The following DCHS2 variants were observed in gnomAD, a reference collection of about 807,000 sequenced individuals.
The protein encoded by DCHS2 is dachsous cadherin-related 2.
DCHS2 carries 142 observed loss-of-function variants against 182.4 expected under a neutral mutation model. The ratio of observed to expected loss-of-function variants is 0.78; its 90% CI spans 0.68 to 0.89. DCHS2 has a LOEUF of 0.89. Among genes scored for constraint, DCHS2 ranks in the 40% least tolerant of loss-of-function variants. The pLI is 0.00. For missense variants in DCHS2, 4,319 were observed against 4,198.6 expected (o/e 1.03, Z -0.79); for synonymous variants, 1,740 against 1,663.3 (o/e 1.05, Z -1.12).
chr4:154,394,426 C>T (rs1731848186), intron 1 of DCHS2, among the ~76,000 whole-genome samples: 1 of 152,164 alleles, frequency 6.6e-6, no homozygotes, highest in Non-Finnish European at 1.5e-5. Context: ...AACTTAACTT[C>T]TCTGTGCTTC....
Position 154,490,715 on chromosome 4 carries a change from T to A in DCHS2, c.641A>T (p.Lys214Met). Residue 214 changes from lysine (K) to methionine (M), a missense_variant, in exon 1 of 20, where the codon AAG (lysine) becomes ATG (methionine). By Grantham distance (95) the Lys-to-Met change is moderately conservative. Transcript: ENST00000357232. ...YTLVQPSDLPKDPAGPFFQLR... is the reference protein window; with the variant it reads ...YTLVQPSDLPMDPAGPFFQLR... ...CTGGAAGAACGGGCCTGCGGGGTCC[T>A]TGGGCAGGTCGGACGGTTGCACCAG... 6.4e-7 allele frequency: 1 copy of A among 1,551,594 alleles called. No homozygotes were observed. The highest frequency in any genetic ancestry group is 1.2e-5 in the South Asian group (1 of 84,056).
intron 1 of DCHS2, among the ~76,000 whole-genome samples, chr4:154,418,039 G>A (rs1732947561): frequency 6.6e-6 from 1 of 152,036 alleles, no homozygotes; most frequent in African/African-American, 2.4e-5. Context: ...TTCTTAGTTT[G>A]GAAGGTTGCC....
chr4:154,343,330 AAG>A lies in DCHS2; in HGVS notation c.2477-8228_2477-8227del, dbSNP rs1272552650. 5.4e-6 allele frequency: 4 copies of A among 745,436 alleles called. No individual in the cohort carries two copies. The Admixed American group carries it at 1.5e-4, about 28-fold the overall frequency. 46.2% of individuals were successfully genotyped at this position (745,436 alleles called of 1,614,324 possible). ...GTCACCAGCTGCATTAGCCCCTAAC[AAG>A]AGAGTCAGCCTGCCCTTTTAAGTTC... On this transcript the variant is annotated intron_variant, in intron 3 of 19. Transcript: ENST00000357232.
At chr4:154,329,837 A>G in intron 5 of DCHS2, 127 bp from the exon 6 acceptor site, 5 of 787,908 alleles carry the variant, frequency 6.3e-6, no homozygotes, top group South Asian at 3.2e-5. Context: ...GACCATCTAC[A>G]TAGTAGTTTG....
chr4:154,278,531 C>A (rs1362741100), intron 13 of DCHS2, among the ~76,000 whole-genome samples: 1 of 151,530 alleles, frequency 6.6e-6, no homozygotes, highest in Admixed American at 6.6e-5. Flanking sequence ...ACTTAAAGGA[C>A]TATACATAGG....
chr4:154,419,914 G>C (rs1431281651), intron 1 of DCHS2, among the ~76,000 whole-genome samples: 1 of 151,718 alleles, frequency 6.6e-6, no homozygotes, highest in Non-Finnish European at 1.5e-5. Context: ...GACATATATA[G>C]GCAGGGAGGA....
intron 16 of DCHS2, among the ~76,000 whole-genome samples, chr4:154,248,712 T>G (rs76324513): frequency 0.06 from 9,141 of 152,078 alleles, 585 homozygotes; most frequent in Admixed American, 0.2. Context: ...GTAATGAAAA[T>G]AGCATGGTAC....
chr4:154,490,106 A>C lies in DCHS2; in HGVS notation c.1250T>G (p.Phe417Cys). The C allele has an allele frequency of 1.3e-6, 2 of 1,549,186 alleles. No homozygotes were observed. Among genetic ancestry groups the C allele is most frequent in the Non-Finnish European group, 1.7e-6 (2 of 1,146,260 alleles). ...ACGGGCGACGCCTCCCTCTGTGAGA[A>C]AGAGCACGTGAATTGCTGGCCGGTT... ...NDNRPAIHVL[F>C]LTEGGVARVS... The change falls in exon 1 of 20, where the codon TTT becomes TGT. Residue 417 changes from phenylalanine (F) to cysteine (C), a missense_variant. Phe to Cys is a radical substitution (Grantham distance 205, BLOSUM62 -2). Coordinates refer to ENST00000357232, the MANE Select transcript of DCHS2 (RefSeq NM_001358235.2).
Position 154,489,399 on chromosome 4 carries a change from C to T in DCHS2, c.1957G>A (p.Val653Ile), listed in dbSNP as rs1049096128. 2.1e-5 allele frequency: 32 copies of T among 1,551,494 alleles called. No homozygotes were observed. The Admixed American group carries it at 2.2e-4, about 10-fold the overall frequency. ...GGCTCATTGTCATTCACATCATCTA[C>T]GGTGATGCTCACCAGGCAGGTGGCA... Reference protein sequence around the residue: ...LSATCLVSITVDDVNDNEPIF... With the variant: ...LSATCLVSITIDDVNDNEPIF... The change falls in exon 1 of 20, where the codon GTA becomes ATA. Residue 653 changes from valine to isoleucine, a missense_variant. By Grantham distance (29) the Val-to-Ile change is conservative (BLOSUM62 3). Coordinates refer to ENST00000357232, the MANE Select transcript of DCHS2 (RefSeq NM_001358235.2).
intron 1 of DCHS2, among the ~76,000 whole-genome samples, chr4:154,417,208 A>T (rs925155948): frequency 0.015 from 897 of 61,220 alleles, 8 homozygotes; most frequent in African/African-American, 0.059. Flanking sequence ...TGTGTGTGAG[A>T]GAGAGAGAGA....
At chr4:154,457,724 T>G (rs1396280646) in intron 1 of DCHS2, among the ~76,000 whole-genome samples, 2 of 152,168 alleles carry the variant, frequency 1.3e-5, no homozygotes, top group Non-Finnish European at 2.9e-5. Flanking sequence ...TATTCTAGGG[T>G]CCACAGAATC....
intron 1 of DCHS2, among the ~76,000 whole-genome samples, chr4:154,393,922 C>A (rs912725640): frequency 1.3e-5 from 2 of 152,056 alleles, no homozygotes; most frequent in Admixed American, 6.6e-5. Context: ...ATTTATGATG[C>A]ACATATGGGA....
At chr4:154,327,622 A>G (rs1411978334) in intron 7 of DCHS2, among the ~76,000 whole-genome samples, 3 of 152,174 alleles carry the variant, frequency 2.0e-5, no homozygotes, top group Non-Finnish European at 4.4e-5. Flanking sequence ...CATAATAGTA[A>G]GCCCACTTCA....
chr4:154,444,238 A>G (rs1413914368), intron 1 of DCHS2, among the ~76,000 whole-genome samples: 2 of 152,250 alleles, frequency 1.3e-5, no homozygotes, highest in East Asian at 3.9e-4. Context: ...AGAATTGTAT[A>G]TCCAATTCTG....
At chr4:154,318,597 T>C (rs1735943096) in intron 9 of DCHS2, among the ~76,000 whole-genome samples, 1 of 152,094 alleles carries the variant, frequency 6.6e-6, no homozygotes. Context: ...AACAATTCCA[T>C]TGACAATAGC....
intron 16 of DCHS2, among the ~76,000 whole-genome samples, chr4:154,254,437 C>T (rs967835684): frequency 6.6e-6 from 1 of 152,164 alleles, no homozygotes; most frequent in Non-Finnish European, 1.5e-5. Context: ...AGAGTTATGC[C>T]TCTTTCTTTT....
intron 1 of DCHS2, among the ~76,000 whole-genome samples, chr4:154,403,729 T>C (rs1242441578): frequency 6.6e-6 from 1 of 152,202 alleles, no homozygotes; most frequent in Non-Finnish European, 1.5e-5. Context: ...GTAAACTATT[T>C]GGGCCTGGTA....
chr4:154,440,535 G>C (rs1304797816), intron 1 of DCHS2, among the ~76,000 whole-genome samples: 1 of 152,050 alleles, frequency 6.6e-6, no homozygotes, highest in Non-Finnish European at 1.5e-5. Flanking sequence ...TACATGTATA[G>C]CTATTCATGT....
In DCHS2 at chr4:154,259,707, A is replaced by G. The variant is rs573738024; in HGVS notation, c.6627T>C (p.Asn2209=). The change falls in exon 15 of 20, where the codon AAT becomes AAC. Residue 2209 remains asparagine (N), a synonymous_variant. Coordinates refer to ENST00000357232, the MANE Select transcript of DCHS2 (RefSeq NM_001358235.2). ...EPKFLDFEVR[N]EVQLIVLAES... ...CAGCTAAAACGATGAGTTGAACCTC[A>G]TTTCTGACTTCAAAATCAAGAAACT... The G allele has an allele frequency of 2.5e-6, 4 of 1,614,032 alleles. No individual in the cohort carries two copies. The highest frequency in any genetic ancestry group is 3.4e-6 in the Non-Finnish European group (4 of 1,179,978).
Sources: allele counts gnomAD v4.1 joint callset (sites outside exome capture counted in the v4.1 genomes callset), GRCh38; gene constraint gnomAD v4.1.1; transcripts MANE v1.5; gene names NCBI Gene and HGNC (gene_info 2026-07-23, HGNC 2026-07-21).